GABARAPL2: variants seen among roughly 807,000 people sequenced by gnomAD.
The protein encoded by GABARAPL2 is GABA type A receptor associated protein like 2.
A neutral mutation model predicts 16.9 loss-of-function variants in GABARAPL2; 11 were observed. The ratio of observed to expected loss-of-function variants is 0.65; its 90% CI spans 0.41 to 1.08. The LOEUF (loss-of-function observed/expected upper bound fraction) is 1.08. Ranked by LOEUF, GABARAPL2 falls within the 50% of genes least tolerant of loss-of-function variation. The pLI is 0.00. For missense variants in GABARAPL2, 134 were observed against 142.5 expected (o/e 0.94, Z 0.30); for synonymous variants, 57 against 50.7 (o/e 1.12, Z -0.53).
chr16:75,575,915 A>C (rs994505916), intron 3 of GABARAPL2: 1 of 152,216 alleles, frequency 6.6e-6, no homozygotes, highest in Admixed American at 6.5e-5. Context: ...CTGCATTTTC[A>C]TACTAAGTCT....
intron 3 of GABARAPL2, among the ~76,000 whole-genome samples, chr16:75,572,027 G>C (rs1486794198): frequency 6.6e-6 from 1 of 151,670 alleles, no homozygotes; most frequent in African/African-American, 2.4e-5. Flanking sequence ...GCCGTGTGTG[G>C]TGGCGGTCGC....
At position 75,568,109 on chromosome 16, in the gene GABARAPL2, A is replaced by G. The variant is rs151052580; in HGVS notation, c.163A>G (p.Ile55Val). Residue 55 changes from isoleucine (I) to valine (V), a missense_variant, in exon 3 of 4, where the codon ATC (isoleucine) becomes GTC (valine). Ile to Val is a conservative substitution (Grantham distance 29). Transcript: ENST00000037243. Reference protein sequence around the residue: ...DKRKYLVPSDITVAQFMWIIR... With the variant: ...DKRKYLVPSDVTVAQFMWIIR... ...ACGGAAGTACTTGGTTCCATCTGAT[A>G]TCACTGTGGCTCAGTTCATGTGGAT... is the stretch of plus-strand genomic sequence containing the variant. 7 of 1,612,128 alleles carry G rather than the reference A, an allele frequency of 4.3e-6. No homozygotes were observed. Among genetic ancestry groups the G allele is most frequent in the African/African-American group, 2.7e-5 (2 of 74,908 alleles).
chr16:75,574,614 C>T (rs904861196), intron 3 of GABARAPL2, among the ~76,000 whole-genome samples: 1 of 152,108 alleles, frequency 6.6e-6, no homozygotes, highest in African/African-American at 2.4e-5. Flanking sequence ...TGTTCAAGCC[C>T]TTCTGCTAGT....
chr16:75,566,853 ACAC>A lies in GABARAPL2; in HGVS notation c.37_39del (p.His13del). On this transcript the variant is annotated inframe_deletion and splice_region_variant, in exon 2 of 4. Coordinates refer to ENST00000037243, the MANE Select transcript of GABARAPL2 (RefSeq NM_007285.7). The stretch of plus-strand genomic sequence containing the variant: ...CAGCCCCGTTTGTTTCTCCCACAGA[ACAC>A]AGATGCGTGGAGTCCGCGAAGATTC... 1 of 1,613,166 alleles carries A rather than the reference ACAC, an allele frequency of 6.2e-7. No individual in the cohort carries two copies.
rs994263308 is a variant in GABARAPL2, at chr16:75,566,408, CCGCCGT to C, written c.-76_-71del. On this transcript the variant is annotated 5_prime_UTR_variant, in exon 1 of 4. Coordinates refer to ENST00000037243, the MANE Select transcript of GABARAPL2 (RefSeq NM_007285.7). Reference sequence around the variant, plus strand: ...GCCGCCGTCGCTGCCGCTGCCGCTGCCGCCGTCGTTGTTGTTGTGCTCGGTGCGCTG... The same window carrying C: ...GCCGCCGTCGCTGCCGCTGCCGCTGCCGTTGTTGTTGTGCTCGGTGCGCTG... The C allele has an allele frequency of 2.8e-5, 31 of 1,104,560 alleles. No individual in the cohort carries two copies. In the Admixed American group the frequency reaches 6.0e-4, roughly 21 times the overall value. 68.4% of individuals were successfully genotyped at this position (1,104,560 alleles called of 1,614,324 possible).
chr16:75,571,097 T>G (rs572385842), intron 3 of GABARAPL2, among the ~76,000 whole-genome samples: 1 of 152,218 alleles, frequency 6.6e-6, no homozygotes, highest in Admixed American at 6.5e-5. Flanking sequence ...TTATTGTTGT[T>G]GAGACAAGGT....
In GABARAPL2 at chr16:75,566,384, C is replaced by CCGCCGT. The variant is rs957282252; in HGVS notation, c.-99_-94dup. The CCGCCGT allele has an allele frequency of 1.4e-5, 12 of 853,774 alleles. No individual in the cohort carries two copies. The highest frequency in any genetic ancestry group is 8.9e-5 in the African/African-American group (5 of 56,210). The allele number at this position is 853,774 out of a possible 1,614,324, so 52.9% of individuals were successfully genotyped here. A position where few individuals can be genotyped will look rare whatever the true frequency, so the allele number is the denominator to read the frequency against. On this transcript the variant is annotated 5_prime_UTR_variant, in exon 1 of 4. Transcript: ENST00000037243. Reference sequence around the variant, plus strand: ...GGAAGTCCCGCCTGCCGTGTAGTCGCCGCCGTCGCTGCCGCTGCCGCTGCC... The same window carrying CCGCCGT: ...GGAAGTCCCGCCTGCCGTGTAGTCGCCGCCGTCGCCGTCGCTGCCGCTGCCGCTGCC...
intron 2 of GABARAPL2, among the ~76,000 whole-genome samples, chr16:75,567,696 G>C (rs866837439): frequency 1.3e-4 from 20 of 152,254 alleles, no homozygotes; most frequent in African/African-American, 4.3e-4. Flanking sequence ...GTAGTGTGAA[G>C]GTGGATCCAT....
At chr16:75,572,576 T>C (rs1403373348) in intron 3 of GABARAPL2, 4 of 152,408 alleles carry the variant, frequency 2.6e-5, no homozygotes, top group Non-Finnish European at 5.9e-5. Context: ...CATTCCTGGA[T>C]GTAGGTCTTG....
intron 1 of GABARAPL2, 37 bp downstream of exon 1, chr16:75,566,557 G>C: frequency 6.2e-7 from 1 of 1,602,830 alleles, no homozygotes. Flanking sequence ...GCTGGGGGCT[G>C]GGGCGGCGGG....
chr16:75,566,593 C>T, intron 1 of GABARAPL2, 73 bp downstream of exon 1: 6 of 1,548,046 alleles, frequency 3.9e-6, no homozygotes, highest in South Asian at 1.1e-5. Context: ...ACTCGGGCGG[C>T]CCTGGGCCGA....
intron 3 of GABARAPL2, among the ~76,000 whole-genome samples, chr16:75,569,995 C>T (rs1183278850): frequency 2.6e-5 from 4 of 152,172 alleles, no homozygotes; most frequent in Admixed American, 6.6e-5. Flanking sequence ...TTTAGAGTCA[C>T]CAGCTAGGGC....
At chr16:75,566,558 G>GGGCGGC (rs2080883870) in intron 1 of GABARAPL2, 38 bp downstream of exon 1, 1 of 1,603,006 alleles carries the variant, frequency 6.2e-7, no homozygotes, top group South Asian at 1.1e-5. Flanking sequence ...CTGGGGGCTG[G>GGGCGGC]GGCGGCGGGT....
chr16:75,571,146 C>T (rs1255891138), intron 3 of GABARAPL2, among the ~76,000 whole-genome samples: 1 of 152,174 alleles, frequency 6.6e-6, no homozygotes, highest in African/African-American at 2.4e-5. Flanking sequence ...GTGGCACAGT[C>T]ATAGCTCACT....
chr16:75,570,260 C>T (rs542597814), intron 3 of GABARAPL2, among the ~76,000 whole-genome samples: 2 of 152,106 alleles, frequency 1.3e-5, no homozygotes, highest in South Asian at 2.1e-4. Context: ...GTCACCACAC[C>T]GGGCTAAAAA....
chr16:75,572,251 C>G (rs2080919616), intron 3 of GABARAPL2: 1 of 152,194 alleles, frequency 6.6e-6, no homozygotes. Flanking sequence ...CACTGTGAAG[C>G]CAGTGCCTCT....
intron 3 of GABARAPL2, among the ~76,000 whole-genome samples, chr16:75,569,101 G>A (rs1401670471): frequency 6.6e-6 from 1 of 152,192 alleles, no homozygotes; most frequent in Non-Finnish European, 1.5e-5. Flanking sequence ...CTGGGAACTA[G>A]CCCAATGTTG....
At chr16:75,573,093 GTATAGCTCAGGCC>G (rs2151719118) in intron 3 of GABARAPL2, among the ~76,000 whole-genome samples, 1 of 152,354 alleles carries the variant, frequency 6.6e-6, no homozygotes, top group East Asian at 1.9e-4. Flanking sequence ...TCAGTGCTGT[GTATAGCTCAGGCC>G]TCCAAATTCT....
chr16:75,570,298 C>T (rs992989892), intron 3 of GABARAPL2, among the ~76,000 whole-genome samples: 17 of 152,094 alleles, frequency 1.1e-4, no homozygotes, highest in African/African-American at 3.1e-4. Flanking sequence ...ACATAAGAGG[C>T]GTGTGACATC....
Sources: allele counts gnomAD v4.1 joint callset (sites outside exome capture counted in the v4.1 genomes callset), GRCh38; gene constraint gnomAD v4.1.1; transcripts MANE v1.5; gene names NCBI Gene and HGNC (gene_info 2026-07-23, HGNC 2026-07-21).